The following SYNE1 variants were observed in gnomAD, a reference collection of about 807,000 sequenced individuals.
SYNE1 encodes nesprin-1.
Under a neutral mutation model 1,111.0 loss-of-function variants are expected in SYNE1, and 616 were observed. The ratio of observed to expected loss-of-function variants is 0.55; its 90% CI spans 0.52 to 0.59. SYNE1 has a LOEUF of 0.59. Ranked by LOEUF, SYNE1 falls within the 20% of genes least tolerant of loss-of-function variation. SYNE1 has a pLI of 0.00. For synonymous variants in SYNE1, 3,855 were observed against 3,825.8 expected (o/e 1.01, Z -0.28); for missense variants, 10,006 against 10,417.0 (o/e 0.96, Z 1.72).
chr6:152,316,395 T>C (rs2095720023), intron 87 of SYNE1: 1 of 201,336 alleles, frequency 5.0e-6, no homozygotes, highest in South Asian at 8.9e-5. Flanking sequence ...ATACAAATGA[T>C]GAGAAGACAG....
chr6:152,450,223 G>A (rs1463599917), intron 27 of SYNE1, among the ~76,000 whole-genome samples: 1 of 152,178 alleles, frequency 6.6e-6, no homozygotes, highest in Non-Finnish European at 1.5e-5. Context: ...CTGCCATCAT[G>A]TGAAGAAGGA....
rs1361762932 is a variant in SYNE1, at chr6:152,371,910, AAGGAAAGGAAAGGAC to A, written c.9507+1112_9507+1126del. ...AAGGAAAGGAAAGGAAAGGAAAGGA[AAGGAAAGGAAAGGAC>A]AGGACAGGACAGGAAAGGAAAGGAA... On this transcript the variant is annotated intron_variant, in intron 59 of 145. Coordinates refer to ENST00000367255, the MANE Select transcript of SYNE1 (RefSeq NM_182961.4). 8.3e-3 allele frequency among the ~76,000 whole-genome samples: 385 copies of A among 46,504 alleles called. 4 individuals are homozygous for A. Among genetic ancestry groups the A allele is most frequent in the South Asian group, 0.03 (57 of 1,914 alleles). The allele number at this position is 46,504 out of a possible 152,430, so 30.5% of individuals were successfully genotyped here.
rs186716473 is a variant in SYNE1, at chr6:152,300,737, C to T, written c.17586G>A (p.Glu5862=). 2 of 1,614,232 alleles carry T rather than the reference C, an allele frequency of 1.2e-6. No individual in the cohort carries two copies. The highest frequency in any genetic ancestry group is 1.7e-5 in the Admixed American group (1 of 60,024). ...RCHTLLSPVT[E]ESGEEGTNSE... The stretch of plus-strand genomic sequence containing the variant: ...TGTTGGTTCCCTCCTCCCCAGACTC[C>T]TCAGTGACCGGTGACAGCAAAGTGT... The change falls in exon 93 of 146, where the codon GAG becomes GAA. Residue 5862 remains glutamate (E), a synonymous_variant. Transcript: ENST00000367255.
Position 152,228,885 on chromosome 6 carries a change from A to T in SYNE1, c.21195+1662T>A, listed in dbSNP as rs79075145. The stretch of plus-strand genomic sequence containing the variant: ...TAGCTGAGGCATGTTCTTCATCTTC[A>T]GTCTTTAAGCACCCATTTTCTGATG... On this transcript the variant is annotated intron_variant, in intron 115 of 145. Transcript: ENST00000367255. Among the ~76,000 whole-genome samples the T allele has an allele frequency of 9.2e-3, 1,389 of 151,458 alleles. 32 individuals carry two copies. Among genetic ancestry groups the T allele is most frequent in the African/African-American group, 0.032 (1,330 of 41,328 alleles).
chr6:152,168,405 G>A, intron 130 of SYNE1: 2 of 555,176 alleles, frequency 3.6e-6, no homozygotes, highest in Non-Finnish European at 6.4e-6. Context: ...ATTAACATGT[G>A]CCAGGCTTGA....
At chr6:152,324,676 C>T (rs186498873) in intron 81 of SYNE1, among the ~76,000 whole-genome samples, 170 of 152,206 alleles carry the variant, frequency 1.1e-3, no homozygotes, top group Admixed American at 2.0e-3. Context: ...CGCCTGTAGT[C>T]CCAGCTACTC....
intron 51 of SYNE1, among the ~76,000 whole-genome samples, chr6:152,393,574 C>T (rs1387404632): frequency 6.6e-6 from 1 of 151,518 alleles, no homozygotes; most frequent in Non-Finnish European, 1.5e-5. Flanking sequence ...AAACTCATAG[C>T]TGGAAATTGG....
intron 132 of SYNE1, 171 bp from the exon 133 acceptor site, chr6:152,155,213 T>C: frequency 1.5e-6 from 1 of 664,628 alleles, no homozygotes. Context: ...GACAACTGCT[T>C]GAGCTAAAAT....
intron 3 of SYNE1, among the ~76,000 whole-genome samples, chr6:152,604,980 G>T (rs2099608112): frequency 9.9e-5 from 2 of 20,120 alleles, no homozygotes; most frequent in South Asian, 5.3e-3. Flanking sequence ...AAGAAAGAAA[G>T]AAAGAAAGAA....
intron 125 of SYNE1, 86 bp from the exon 126 acceptor site, chr6:152,206,448 G>T: frequency 6.8e-7 from 1 of 1,477,360 alleles, no homozygotes; most frequent in Non-Finnish European, 9.3e-7. Context: ...CCTAACTTTT[G>T]CCCTCTTTCA....
intron 135 of SYNE1, among the ~76,000 whole-genome samples, chr6:152,149,978 G>T (rs1586240509): frequency 6.6e-6 from 1 of 152,294 alleles, no homozygotes. Flanking sequence ...CCCACCGTAA[G>T]TTGACAGCAC....
intron 3 of SYNE1, among the ~76,000 whole-genome samples, chr6:152,582,325 A>T (rs1394276642): frequency 2.0e-5 from 3 of 152,086 alleles, no homozygotes; most frequent in Non-Finnish European, 4.4e-5. Context: ...TGTCTTAAAC[A>T]TTCTCATAGT....
Position 152,505,184 on chromosome 6 carries a change from A to G in SYNE1, c.778+17T>C, listed in dbSNP as rs2154331395. 1 of 1,613,822 alleles carries G rather than the reference A, an allele frequency of 6.2e-7. No individual in the cohort carries two copies. The highest frequency in any genetic ancestry group is 1.1e-5 in the South Asian group (1 of 91,074). On this transcript the variant is annotated intron_variant, in intron 9 of 145. Coordinates refer to ENST00000367255, the MANE Select transcript of SYNE1 (RefSeq NM_182961.4). Reference sequence around the variant, plus strand: ...TCCGTGTTAAGGTATATAACAGTCAATGAATATTCAGCCTACCTTCAGGAT... The same window carrying G: ...TCCGTGTTAAGGTATATAACAGTCAGTGAATATTCAGCCTACCTTCAGGAT...
At chr6:152,559,457 A>T (rs778598955) in intron 3 of SYNE1, among the ~76,000 whole-genome samples, 53 of 152,192 alleles carry the variant, frequency 3.5e-4, no homozygotes, top group Admixed American at 3.2e-3. Context: ...ACCACAAAAA[A>T]ACATAAAACA....
chr6:152,201,838 G>T lies in SYNE1; in HGVS notation c.23131C>A (p.Gln7711Lys), dbSNP rs119103244. ...CAGTAATTTACCTTGCAACGCATTTGTTCTGCATGGAGCTCTTCATGGTGA... is the reference window on the plus strand; with the variant it reads ...CAGTAATTTACCTTGCAACGCATTTTTTCTGCATGGAGCTCTTCATGGTGA... ...PDHHEELHAE[Q>K]MRCKELENAV... Residue 7711 changes from glutamine to lysine, a missense_variant, in exon 127 of 146, where the codon CAA (glutamine) becomes AAA (lysine). Transcript: ENST00000367255. 2.5e-6 allele frequency: 4 copies of T among 1,613,774 alleles called. No individual in the cohort carries two copies. The Admixed American group carries it at 5.0e-5, about 20-fold the overall frequency.
intron 93 of SYNE1, among the ~76,000 whole-genome samples, chr6:152,296,901 T>C (rs1319329515): frequency 1.3e-5 from 2 of 151,350 alleles, no homozygotes; most frequent in East Asian, 3.9e-4. Context: ...GGCCTGTTTC[T>C]CTCATTTTTA....
intron 97 of SYNE1, among the ~76,000 whole-genome samples, chr6:152,278,978 T>C (rs1360403978): frequency 1.3e-5 from 2 of 151,994 alleles, no homozygotes; most frequent in East Asian, 3.9e-4. Context: ...CTTTGTTGCC[T>C]GGGCTGGTCT....
rs906711684 is a variant in SYNE1 at position 152,310,364 on chromosome 6, G to C, written c.17019+32C>G. On this transcript the variant is annotated intron_variant, in intron 89 of 145. Coordinates refer to ENST00000367255, the MANE Select transcript of SYNE1 (RefSeq NM_182961.4). ...TCCTCTTTTAAAAATATAGGTCCCT[G>C]TCCCTATTTACTCCAAGTTAGTTTG... 1.9e-5 allele frequency: 30 copies of C among 1,613,380 alleles called. No homozygotes were observed. The Admixed American group carries it at 3.5e-4, about 19-fold the overall frequency.
chr6:152,273,768 AGCT>A, intron 98 of SYNE1, among the ~76,000 whole-genome samples: 1 of 152,242 alleles, frequency 6.6e-6, no homozygotes. Context: ...GCTTAGTAAC[AGCT>A]GCTTCTTAGA....
Sources: gnomAD v4.1 joint callset for allele counts (sites outside exome capture counted in the v4.1 genomes callset) on GRCh38, gnomAD v4.1.1 for gene constraint, MANE v1.5 for transcripts, NCBI Gene and HGNC (gene_info 2026-07-23, HGNC 2026-07-21) for gene names.